Variants in SH3PXD2B observed in about 807,000 individuals in gnomAD.
SH3PXD2B encodes the protein SH3 and PX domains 2B.
A neutral mutation model predicts 73.1 loss-of-function variants in SH3PXD2B; 37 were observed. That is an observed-to-expected ratio of 0.51 (90% CI 0.39 to 0.67). SH3PXD2B has a LOEUF of 0.67. Ranked by LOEUF, SH3PXD2B falls within the 30% of genes least tolerant of loss-of-function variation. The probability of loss-of-function intolerance (pLI) is 0.00; values close to 1 mark genes in which losing one functional copy is unlikely to be tolerated. For missense variants in SH3PXD2B, 1,053 were observed against 1,197.8 expected (o/e 0.88, Z 1.78); for synonymous variants, 457 against 480.5 (o/e 0.95, Z 0.64).
At chr5:172,379,160 T>C (rs1489836175) in intron 5 of SH3PXD2B, among the ~76,000 whole-genome samples, 1 of 150,318 alleles carries the variant, frequency 6.7e-6, no homozygotes, top group Non-Finnish European at 1.5e-5. Context: ...TGCTTGGAGA[T>C]GGAGGCTTTA....
chr5:172,423,030 C>T (rs1759008177), intron 1 of SH3PXD2B, among the ~76,000 whole-genome samples: 1 of 152,184 alleles, frequency 6.6e-6, no homozygotes, highest in Non-Finnish European at 1.5e-5. Flanking sequence ...TCCTCTGCCT[C>T]CTCTGCCTCC....
chr5:172,417,808 T>A (rs939001611), intron 2 of SH3PXD2B, among the ~76,000 whole-genome samples: 1 of 152,224 alleles, frequency 6.6e-6, no homozygotes, highest in Non-Finnish European at 1.5e-5. Context: ...ATACTTCACA[T>A]ACCATAAAAG....
intron 1 of SH3PXD2B, among the ~76,000 whole-genome samples, chr5:172,435,378 T>C (rs1186873797): frequency 1.3e-5 from 2 of 152,158 alleles, no homozygotes; most frequent in African/African-American, 4.8e-5. Flanking sequence ...ATGAGGATGG[T>C]CCTGTGTTAG....
At chr5:172,439,269 AC>A (rs761055598) in intron 1 of SH3PXD2B, among the ~76,000 whole-genome samples, 10,940 of 74,706 alleles carry the variant, frequency 0.15, 699 homozygotes, top group Non-Finnish European at 0.18. Flanking sequence ...AAAAACAAAA[AC>A]AAAAACAAAA....
chr5:172,328,413 G>A (rs2113214011), intron 12 of SH3PXD2B, among the ~76,000 whole-genome samples: 1 of 152,174 alleles, frequency 6.6e-6, no homozygotes, highest in South Asian at 2.1e-4. Context: ...CGCCTAGGCT[G>A]ATTTTAAACT....
At chr5:172,365,928 C>T (rs1757509767) in intron 6 of SH3PXD2B, among the ~76,000 whole-genome samples, 1 of 152,198 alleles carries the variant, frequency 6.6e-6, no homozygotes, top group South Asian at 2.1e-4. Flanking sequence ...CTCAAAACCC[C>T]AGGATTGCAG....
intron 1 of SH3PXD2B, among the ~76,000 whole-genome samples, chr5:172,423,420 C>A (rs1759017973): frequency 6.6e-6 from 1 of 152,098 alleles, no homozygotes; most frequent in Admixed American, 6.5e-5. Flanking sequence ...TGGGGTTTCA[C>A]AGGCAGTGTC....
At chr5:172,420,064 C>T (rs1431173508) in intron 2 of SH3PXD2B, among the ~76,000 whole-genome samples, 4 of 152,204 alleles carry the variant, frequency 2.6e-5, no homozygotes, top group South Asian at 4.1e-4. Context: ...CCCATGGCAT[C>T]GAAAGATGCT....
chr5:172,394,674 G>C (rs1375111378), intron 3 of SH3PXD2B, 35 bp from the exon 4 acceptor site: 1 of 1,610,164 alleles, frequency 6.2e-7, no homozygotes, highest in East Asian at 2.2e-5. Context: ...GTGTTGTCAG[G>C]GAACAGGGAC....
rs1453607996 is a variant in SH3PXD2B, at chr5:172,333,701, GAGTA to G, written c.*4664_*4667del. 1 of 1,286,944 alleles carries G rather than the reference GAGTA, an allele frequency of 7.8e-7. No individual in the cohort carries two copies. Among genetic ancestry groups the G allele is most frequent in the Non-Finnish European group, 1.0e-6 (1 of 988,788 alleles). 79.7% of individuals were successfully genotyped at this position (1,286,944 alleles called of 1,614,324 possible). The stretch of plus-strand genomic sequence containing the variant: ...GGAATGCCAATTTGCCAAGAGGGTA[GAGTA>G]AGTGTGGGGATCTCCAGCGTCATCC... On this transcript the variant is annotated 3_prime_UTR_variant, in exon 13 of 13. Coordinates refer to ENST00000311601, the MANE Select transcript of SH3PXD2B (RefSeq NM_001017995.3).
At chr5:172,348,626 G>GTCTATCTATCTATCTATCTATCTATC (rs1561896273) in intron 10 of SH3PXD2B, among the ~76,000 whole-genome samples, 33 of 92,618 alleles carry the variant, frequency 3.6e-4, no homozygotes, top group African/African-American at 1.9e-3. Context: ...ATCTATCTAT[G>GTCTATCTATCTATCTATCTATCTATC]TATCTATCTA....
chr5:172,451,426 G>A (rs1233804181), intron 1 of SH3PXD2B, among the ~76,000 whole-genome samples: 1 of 152,148 alleles, frequency 6.6e-6, no homozygotes, highest in African/African-American at 2.4e-5. Context: ...AGGCCTTTTG[G>A]GTGTCACAAT....
chr5:172,413,967 C>T (rs924350678), intron 2 of SH3PXD2B, among the ~76,000 whole-genome samples: 6 of 152,220 alleles, frequency 3.9e-5, no homozygotes, highest in African/African-American at 1.4e-4. Flanking sequence ...GAAGGCTTCC[C>T]GGCCAGGCAA....
At chr5:172,431,952 G>C (rs1012958960) in intron 1 of SH3PXD2B, among the ~76,000 whole-genome samples, 2 of 152,082 alleles carry the variant, frequency 1.3e-5, no homozygotes, top group African/African-American at 4.8e-5. Flanking sequence ...CAAGGTGAGC[G>C]GATCACCTGA....
Position 172,335,240 on chromosome 5 carries a change from G to C in SH3PXD2B, c.*3129C>G. ...TTGTGTTAATAAGCAGGGGTGAGGG[G>C]AAGAAAAAAAAATCTCTGCCCACCT... On this transcript the variant is annotated 3_prime_UTR_variant, in exon 13 of 13. Coordinates refer to ENST00000311601, the MANE Select transcript of SH3PXD2B (RefSeq NM_001017995.3). The C allele has an allele frequency of 9.4e-7, 1 of 1,059,806 alleles. No individual in the cohort carries two copies. Among genetic ancestry groups the C allele is most frequent in the Non-Finnish European group, 1.1e-6 (1 of 879,284 alleles). 65.7% of individuals were successfully genotyped at this position (1,059,806 alleles called of 1,614,324 possible).
intron 10 of SH3PXD2B, 21 bp downstream of exon 10, chr5:172,350,342 G>T (rs370419480): frequency 5.6e-6 from 9 of 1,611,516 alleles, no homozygotes. Flanking sequence ...ATTATCAGGA[G>T]CTTGGGCGGG....
intron 4 of SH3PXD2B, among the ~76,000 whole-genome samples, chr5:172,394,165 G>A (rs184192962): frequency 6.8e-4 from 103 of 152,136 alleles, no homozygotes; most frequent in African/African-American, 2.2e-3. Context: ...GGCTGGTCTC[G>A]AACTCCTGAC....
chr5:172,391,168 T>C (rs1248796252), intron 4 of SH3PXD2B, among the ~76,000 whole-genome samples: 1 of 152,024 alleles, frequency 6.6e-6, no homozygotes, highest in African/African-American at 2.4e-5. Flanking sequence ...AGGGCTCCAG[T>C]TACTCTATGT....
chr5:172,401,350 C>T (rs1032516014), intron 3 of SH3PXD2B, among the ~76,000 whole-genome samples: 1 of 152,178 alleles, frequency 6.6e-6, no homozygotes, highest in Non-Finnish European at 1.5e-5. Flanking sequence ...ATTTTTGAAG[C>T]CTCTCAAGCT....
Sources: gnomAD v4.1 joint callset for allele counts (sites outside exome capture counted in the v4.1 genomes callset) on GRCh38, gnomAD v4.1.1 for gene constraint, MANE v1.5 for transcripts, NCBI Gene and HGNC (gene_info 2026-07-23, HGNC 2026-07-21) for gene names.